LRSAM1: variants seen among roughly 807,000 people sequenced by gnomAD.
LRSAM1 encodes leucine rich repeat and sterile alpha motif containing 1.
Under a neutral mutation model 118.1 loss-of-function variants are expected in LRSAM1, and 96 were observed. The observed-to-expected ratio is 0.81, with a 90% CI of 0.69 to 0.96. LRSAM1 has a LOEUF of 0.96. Among genes scored for constraint, LRSAM1 ranks in the 40% least tolerant of loss-of-function variants. The pLI, the probability that LRSAM1 is intolerant of heterozygous loss-of-function variation, is 0.00. For missense variants in LRSAM1, 804 were observed against 915.5 expected, an observed-to-expected ratio of 0.88 and a Z score of 1.57; for synonymous variants, 322 against 364.2, an observed-to-expected ratio of 0.88 and a Z score of 1.32.
chr9:127,454,973 T>C (rs781381373), intron 3 of LRSAM1, 25 bp from the exon 4 acceptor site: 52 of 1,612,590 alleles, frequency 3.2e-5, no homozygotes, highest in Non-Finnish European at 4.2e-5. Flanking sequence ...TCTTAATACT[T>C]TTTAAAAATT....
At chr9:127,501,227 G>C in intron 25 of LRSAM1, 84 bp downstream of exon 25, 1 of 1,525,118 alleles carries the variant, frequency 6.6e-7, no homozygotes. Flanking sequence ...GTCTCTGAAC[G>C]TGTTTTCTCC....
At chr9:127,481,395 G>A (rs1226569117) in intron 15 of LRSAM1, among the ~76,000 whole-genome samples, 168 bp downstream of exon 15, 2 of 151,958 alleles carry the variant, frequency 1.3e-5, no homozygotes, top group Admixed American at 1.3e-4. Flanking sequence ...TGGGACTATA[G>A]GCGCATACCA....
chr9:127,474,874 C>A (rs1191611346), intron 11 of LRSAM1, among the ~76,000 whole-genome samples: 1 of 152,106 alleles, frequency 6.6e-6, no homozygotes, highest in East Asian at 1.9e-4. Flanking sequence ...GCCGCCATCC[C>A]CAAGGCTCAT....
Position 127,503,100 on chromosome 9 carries a change from A to C in LRSAM1, c.*201A>C, listed in dbSNP as rs977197425. 3 of 677,322 alleles carry C rather than the reference A, an allele frequency of 4.4e-6. No individual in the cohort carries two copies. The African/African-American group carries it at 5.4e-5, about 12-fold the overall frequency. 42.0% of individuals were successfully genotyped at this position (677,322 alleles called of 1,614,324 possible). On this transcript the variant is annotated 3_prime_UTR_variant, in exon 26 of 26. Transcript: ENST00000300417. ...GGTGCTCCTCATCCATGACACCACC[A>C]GTCTGAATGGTCCTGGGGGCTGGGG...
At chr9:127,493,022 A>G (rs952134830) in intron 21 of LRSAM1, 125 bp downstream of exon 21, 3 of 812,326 alleles carry the variant, frequency 3.7e-6, no homozygotes, top group Non-Finnish European at 6.2e-6. Context: ...TGGAAAGTAC[A>G]AAGGAAAATA....
At chr9:127,455,136 G>A in intron 4 of LRSAM1, 82 bp downstream of exon 4, 2 of 1,399,922 alleles carry the variant, frequency 1.4e-6, no homozygotes, top group Non-Finnish European at 2.0e-6. Flanking sequence ...GACAGAGGTG[G>A]ACTGGGGCTT....
In LRSAM1 at chr9:127,482,678, ATTGATCAC is replaced by A. The variant is rs1426298906; in HGVS notation, c.1089-267_1089-260del. 3.9e-5 allele frequency among the ~76,000 whole-genome samples: 6 copies of A among 152,356 alleles called. No homozygotes were observed. The South Asian group carries it at 1.2e-3, about 32-fold the overall frequency. On this transcript the variant is annotated intron_variant, in intron 15 of 25. Transcript: ENST00000300417. ...ATGTTAAGCATCTTTCCAGATGTTT[ATTGATCAC>A]TTGAATTTCAGCATTGGCTATTTGC... is the stretch of plus-strand genomic sequence containing the variant.
intron 11 of LRSAM1, among the ~76,000 whole-genome samples, chr9:127,476,561 AAAAG>A (rs1835356386): frequency 6.6e-6 from 1 of 152,176 alleles, no homozygotes; most frequent in Non-Finnish European, 1.5e-5. Flanking sequence ...AAAAGAAAGA[AAAAG>A]AAAACTCAAA....
chr9:127,480,547 G>A (rs935164318), intron 14 of LRSAM1, among the ~76,000 whole-genome samples: 1 of 152,104 alleles, frequency 6.6e-6, no homozygotes, highest in African/African-American at 2.4e-5. Context: ...TGAATCACTC[G>A]TTCCTCCCTC....
Position 127,479,546 on chromosome 9 carries a change from C to A in LRSAM1, c.903+41C>A, listed in dbSNP as rs752753388. 10 of 1,610,798 alleles carry A rather than the reference C, an allele frequency of 6.2e-6. No homozygotes were observed. In the Admixed American group the frequency reaches 6.7e-5, roughly 11 times the overall value. On this transcript the variant is annotated intron_variant, in intron 13 of 25. Transcript: ENST00000300417. ...GCTAGGGTCCAGCCTGGCTGCATCC[C>A]CCAGCCAGTGGCCTCCTGGCTTGGG... is the stretch of plus-strand genomic sequence containing the variant.
chr9:127,481,793 C>T (rs1039850336), intron 15 of LRSAM1, among the ~76,000 whole-genome samples: 1 of 152,044 alleles, frequency 6.6e-6, no homozygotes, highest in African/African-American at 2.4e-5. Context: ...CAGTGGCTCA[C>T]ATCTGTAATC....
chr9:127,455,657 G>C (rs769269709), intron 5 of LRSAM1, 37 bp downstream of exon 5: 3 of 1,605,918 alleles, frequency 1.9e-6, no homozygotes, highest in East Asian at 2.2e-5. Flanking sequence ...CTTTCTTGTT[G>C]CATGTCTGCT....
chr9:127,463,988 C>T (rs376439091), intron 9 of LRSAM1, among the ~76,000 whole-genome samples: 3 of 152,224 alleles, frequency 2.0e-5, no homozygotes, highest in Non-Finnish European at 2.9e-5. Context: ...TAAACCAGGC[C>T]GTCTGAAGCT....
At chr9:127,455,677 C>T in intron 5 of LRSAM1, 57 bp downstream of exon 5, 1 of 1,550,054 alleles carries the variant, frequency 6.5e-7, no homozygotes, top group Non-Finnish European at 8.9e-7. Flanking sequence ...TTGTTTGAAC[C>T]CACAAGGGAC....
intron 6 of LRSAM1, 30 bp downstream of exon 6, chr9:127,457,423 G>A (rs750961361): frequency 1.9e-6 from 3 of 1,607,762 alleles, no homozygotes; most frequent in African/African-American, 1.3e-5. Flanking sequence ...GGCAGCTGGG[G>A]CTCTGCATGG....
At chr9:127,458,690 C>T (rs531487638) in intron 6 of LRSAM1, among the ~76,000 whole-genome samples, 38 of 152,292 alleles carry the variant, frequency 2.5e-4, no homozygotes, top group African/African-American at 7.5e-4. Context: ...AATATTTTAT[C>T]GCATATTTGA....
intron 9 of LRSAM1, among the ~76,000 whole-genome samples, chr9:127,467,520 C>T (rs1835001908): frequency 6.6e-6 from 1 of 152,170 alleles, no homozygotes; most frequent in African/African-American, 2.4e-5. Context: ...AGGAGAGAGT[C>T]ACTCAGGTTA....
intron 21 of LRSAM1, among the ~76,000 whole-genome samples, chr9:127,493,438 C>T (rs923262560): frequency 1.3e-5 from 2 of 152,172 alleles, no homozygotes; most frequent in Non-Finnish European, 2.9e-5. Context: ...GCCTTTTAAA[C>T]GTGGCATGCT....
intron 15 of LRSAM1, among the ~76,000 whole-genome samples, chr9:127,482,267 C>T (rs1463924642): frequency 6.6e-6 from 1 of 151,666 alleles, no homozygotes; most frequent in Non-Finnish European, 1.5e-5. Flanking sequence ...CTCAGCATCC[C>T]GAGTAGCTGG....
Sources: allele counts gnomAD v4.1 joint callset (sites outside exome capture counted in the v4.1 genomes callset), GRCh38; gene constraint gnomAD v4.1.1; transcripts MANE v1.5; gene names NCBI Gene and HGNC (gene_info 2026-07-23, HGNC 2026-07-21).